Variants in STAU2 observed in about 807,000 individuals in gnomAD.
STAU2 encodes the protein staufen double-stranded RNA binding protein 2.
In STAU2, 20 loss-of-function variants were observed where a neutral mutation model predicts 65.9. The observed-to-expected ratio is 0.30, with a 90% CI of 0.21 to 0.44. The LOEUF (loss-of-function observed/expected upper bound fraction) is 0.44. Ranked by LOEUF, STAU2 falls within the 20% of genes least tolerant of loss-of-function variation. The pLI, the probability that STAU2 is intolerant of heterozygous loss-of-function variation, is 1.00. For synonymous variants in STAU2, 232 were observed against 233.9 expected (o/e 0.99, Z 0.07); for missense variants, 558 against 683.9 (o/e 0.82, Z 2.05).
chr8:73,535,775 T>C (rs1014403242), intron 13 of STAU2, among the ~76,000 whole-genome samples: 1 of 152,154 alleles, frequency 6.6e-6, no homozygotes, highest in Admixed American at 6.5e-5. Flanking sequence ...ATTTTCAACA[T>C]TAAAGGAAAA....
chr8:73,673,412 G>A (rs1236731801), intron 5 of STAU2, among the ~76,000 whole-genome samples, 170 bp from the exon 6 acceptor site: 6 of 152,042 alleles, frequency 3.9e-5, no homozygotes, highest in African/African-American at 1.2e-4. Context: ...CAAGAAAATA[G>A]TTCCTAATAA....
At chr8:73,704,483 G>A (rs549201404) in intron 4 of STAU2, among the ~76,000 whole-genome samples, 5 of 152,126 alleles carry the variant, frequency 3.3e-5, no homozygotes, top group African/African-American at 9.6e-5. Flanking sequence ...TGACGGTGTA[G>A]TGCGCTATTT....
chr8:73,648,166 CA>C (rs1396760672), intron 6 of STAU2, among the ~76,000 whole-genome samples: 4 of 152,212 alleles, frequency 2.6e-5, no homozygotes, highest in African/African-American at 9.6e-5. Flanking sequence ...TCTACATTCT[CA>C]AGTTTCCAAA....
At chr8:73,556,622 T>C (rs1371522010) in intron 12 of STAU2, among the ~76,000 whole-genome samples, 1 of 152,118 alleles carries the variant, frequency 6.6e-6, no homozygotes, top group South Asian at 2.1e-4. Context: ...CTGGACGTAG[T>C]GGCAGGCGCC....
At chr8:73,502,175 CAATTA>C (rs1383873090) in intron 13 of STAU2, among the ~76,000 whole-genome samples, 1 of 151,522 alleles carries the variant, frequency 6.6e-6, no homozygotes, top group Non-Finnish European at 1.5e-5. Flanking sequence ...TATATGTTCC[CAATTA>C]AATAAAAAAT....
intron 6 of STAU2, 72 bp from the exon 7 acceptor site, chr8:73,617,523 T>A: frequency 7.1e-7 from 1 of 1,407,326 alleles, no homozygotes; most frequent in Non-Finnish European, 9.8e-7. Flanking sequence ...AAGATTTGTT[T>A]AAAATGATAC....
chr8:73,525,230 G>A (rs1193405517), intron 13 of STAU2, among the ~76,000 whole-genome samples: 1 of 152,078 alleles, frequency 6.6e-6, no homozygotes, highest in Non-Finnish European at 1.5e-5. Flanking sequence ...CTATAAAATA[G>A]TTGTATTTGC....
intron 5 of STAU2, among the ~76,000 whole-genome samples, chr8:73,677,033 T>TA (rs1183597920): frequency 3.3e-5 from 5 of 152,242 alleles, no homozygotes; most frequent in Non-Finnish European, 7.3e-5. Flanking sequence ...GAAAAAATTT[T>TA]AAAACAGACA....
intron 13 of STAU2, among the ~76,000 whole-genome samples, chr8:73,429,796 A>C (rs1817127433): frequency 6.6e-6 from 1 of 152,058 alleles, no homozygotes; most frequent in Admixed American, 6.6e-5. Flanking sequence ...GTTTCTTTTA[A>C]TATTAATATT....
intron 5 of STAU2, among the ~76,000 whole-genome samples, chr8:73,687,451 T>A (rs1458283562): frequency 7.3e-6 from 1 of 137,074 alleles, no homozygotes; most frequent in Non-Finnish European, 1.5e-5. Flanking sequence ...TATATAAATA[T>A]ATAATATATA....
intron 6 of STAU2, among the ~76,000 whole-genome samples, chr8:73,671,015 A>C (rs1817631294): frequency 1.3e-5 from 2 of 152,204 alleles, no homozygotes; most frequent in Non-Finnish European, 2.9e-5. Flanking sequence ...AACATTTGAA[A>C]ACTGGTGAAG....
rs1563613787 is a variant in STAU2, at chr8:73,474,395, T to C, written c.1531-51693A>G. ...TCATGATCTAATTACTGTTGACTTA[T>C]TGTGATATGTAAGGAAAGAGCGCTA... On this transcript the variant is annotated intron_variant, in intron 13 of 14. Coordinates refer to ENST00000524300, the MANE Select transcript of STAU2 (RefSeq NM_001164380.2). Among the ~76,000 whole-genome samples the C allele has an allele frequency of 3.3e-5, 5 of 152,218 alleles. No homozygotes were observed. In the South Asian group the frequency reaches 6.2e-4, roughly 19 times the overall value.
intron 13 of STAU2, among the ~76,000 whole-genome samples, chr8:73,461,580 C>T (rs1819352598): frequency 6.6e-6 from 1 of 151,952 alleles, no homozygotes; most frequent in East Asian, 1.9e-4. Flanking sequence ...GTATTAAATG[C>T]ACATGCTAAG....
intron 9 of STAU2, among the ~76,000 whole-genome samples, chr8:73,606,914 C>T (rs1250164126): frequency 6.6e-6 from 1 of 152,038 alleles, no homozygotes; most frequent in African/African-American, 2.4e-5. Context: ...CCAATTCATG[C>T]ATGCAACAAT....
intron 13 of STAU2, among the ~76,000 whole-genome samples, chr8:73,512,818 A>G (rs1563395202): frequency 6.6e-6 from 1 of 152,212 alleles, no homozygotes; most frequent in Non-Finnish European, 1.5e-5. Context: ...TGAGTTACTC[A>G]AGTGAATTTT....
chr8:73,441,838 C>G (rs1212040985), intron 13 of STAU2, among the ~76,000 whole-genome samples: 1 of 152,148 alleles, frequency 6.6e-6, no homozygotes, highest in South Asian at 2.1e-4. Flanking sequence ...TTATGTGTCT[C>G]TAATGTATTT....
chr8:73,565,335 G>A (rs566572571), intron 12 of STAU2, among the ~76,000 whole-genome samples: 1 of 152,054 alleles, frequency 6.6e-6, no homozygotes, highest in African/African-American at 2.4e-5. Context: ...GTGAAGATGT[G>A]CTTGCTTCCC....
At chr8:73,593,407 T>G (rs1325556373) in intron 11 of STAU2, among the ~76,000 whole-genome samples, 1 of 152,226 alleles carries the variant, frequency 6.6e-6, no homozygotes, top group Non-Finnish European at 1.5e-5. Context: ...TGGTTAAAAT[T>G]CCTCACTCCC....
At chr8:73,435,498 C>T (rs1007959388) in intron 13 of STAU2, among the ~76,000 whole-genome samples, 18 of 151,886 alleles carry the variant, frequency 1.2e-4, no homozygotes, top group African/African-American at 3.4e-4. Context: ...GTTGGCTTTC[C>T]TCTCAGCAGG....
Sources: allele counts gnomAD v4.1 joint callset (sites outside exome capture counted in the v4.1 genomes callset), GRCh38; gene constraint gnomAD v4.1.1; transcripts MANE v1.5; gene names NCBI Gene and HGNC (gene_info 2026-07-23, HGNC 2026-07-21).